PCDHA1: variants seen among roughly 807,000 people sequenced by gnomAD.
PCDHA1 encodes protocadherin alpha 1.
PCDHA1 carries 42 observed loss-of-function variants against 61.3 expected under a neutral mutation model. That is an observed-to-expected ratio of 0.69 (90% confidence interval 0.54 to 0.89). The LOEUF (loss-of-function observed/expected upper bound fraction) is 0.89. PCDHA1 is among the 40% of genes least tolerant of loss of function. The probability of loss-of-function intolerance (pLI) is 0.00; values close to 1 mark genes in which losing one functional copy is unlikely to be tolerated. For synonymous variants in PCDHA1, 610 were observed against 553.8 expected (o/e 1.10, Z -1.43); for missense variants, 1,256 against 1,235.3 (o/e 1.02, Z -0.25).
chr5:140,929,291 A>G (rs782335969), intron 1 of PCDHA1: 19 of 1,596,972 alleles, frequency 1.2e-5, no homozygotes, highest in Non-Finnish European at 1.6e-5. Flanking sequence ...CAGATTCGGA[A>G]TAGGAAAGGG....
At chr5:140,915,710 C>T (rs2077269471) in intron 1 of PCDHA1, among the ~76,000 whole-genome samples, 1 of 151,918 alleles carries the variant, frequency 6.6e-6, no homozygotes, top group South Asian at 2.1e-4. Flanking sequence ...ACTCCTGTGG[C>T]CCCCACTTTG....
intron 1 of PCDHA1, chr5:140,795,263 C>T (rs376518025): frequency 6.2e-7 from 1 of 1,614,174 alleles, no homozygotes; most frequent in Non-Finnish European, 8.5e-7. Context: ...GGGCGGAGCG[C>T]GGAATGTAGC....
Position 140,995,490 on chromosome 5 carries a change from A to C in PCDHA1, c.2542+12927A>C, listed in dbSNP as rs181247682. Among the ~76,000 whole-genome samples the C allele has an allele frequency of 2.7e-3, 416 of 152,304 alleles. 1 individual carries two copies. The highest frequency in any genetic ancestry group is 4.2e-3 in the Non-Finnish European group (283 of 68,028). ...ATTTTTCATTTAATATTTTCAGACT[A>C]AGGTTGACTGTGGGTAACTGAAGCC... is the stretch of plus-strand genomic sequence containing the variant. On this transcript the variant is annotated intron_variant, in intron 3 of 3. Transcript: ENST00000504120.
chr5:140,928,990 C>CT, intron 1 of PCDHA1: 2 of 1,613,884 alleles, frequency 1.2e-6, no homozygotes, highest in African/African-American at 1.3e-5. Context: ...GGGGTGCTTA[C>CT]TTTTCTTCGT....
chr5:140,834,730 T>G, intron 1 of PCDHA1: 2 of 1,614,148 alleles, frequency 1.2e-6, no homozygotes, highest in Non-Finnish European at 1.7e-6. Context: ...CCGCTGCAGG[T>G]TTTCCATGTG....
chr5:140,891,569 CAT>C (rs59481749), intron 1 of PCDHA1, among the ~76,000 whole-genome samples: 3,590 of 152,218 alleles, frequency 0.024, 138 homozygotes, highest in African/African-American at 0.082. Flanking sequence ...TCTAATTAAA[CAT>C]ATTTTAATCT....
At chr5:140,988,963 G>A (rs1273293184) in intron 3 of PCDHA1, 2 of 152,140 alleles carry the variant, frequency 1.3e-5, no homozygotes, top group African/African-American at 4.8e-5. Flanking sequence ...CAAGCCCCAC[G>A]ATGGAGAGAA....
intron 1 of PCDHA1, chr5:140,883,816 G>A (rs1217152310): frequency 1.9e-6 from 3 of 1,612,522 alleles, no homozygotes; most frequent in Non-Finnish European, 2.5e-6. Context: ...AGAGCGGCAA[G>A]GTGTACGCGC....
At chr5:140,811,263 GTT>G (rs1288344710) in intron 1 of PCDHA1, 1 of 152,366 alleles carries the variant, frequency 6.6e-6, no homozygotes, top group Non-Finnish European at 1.5e-5. Context: ...GCAGTGTTTG[GTT>G]TTCTGTGCTT....
intron 1 of PCDHA1, among the ~76,000 whole-genome samples, chr5:140,845,780 T>C (rs1273116464): frequency 6.7e-6 from 1 of 149,642 alleles, no homozygotes; most frequent in Non-Finnish European, 1.5e-5. Context: ...TATAAATTAT[T>C]AATAATAAAC....
intron 1 of PCDHA1, among the ~76,000 whole-genome samples, chr5:140,935,180 T>C (rs781934014): frequency 3.9e-5 from 6 of 152,214 alleles, no homozygotes; most frequent in Non-Finnish European, 7.3e-5. Flanking sequence ...TTATTGCTGC[T>C]GGGTCAGTTG....
chr5:140,967,072 C>A, intron 1 of PCDHA1: 7 of 1,613,106 alleles, frequency 4.3e-6, no homozygotes, highest in Non-Finnish European at 5.9e-6. Context: ...TCTTCGTCAA[C>A]GAGCGCATTG....
chr5:141,010,158 G>A lies in PCDHA1; in HGVS notation c.*221G>A. 6.4e-7 allele frequency: 1 copy of A among 1,570,690 alleles called. No homozygotes were observed. Among genetic ancestry groups the A allele is most frequent in the Non-Finnish European group, 8.6e-7 (1 of 1,156,884 alleles). On this transcript the variant is annotated 3_prime_UTR_variant, in exon 4 of 4. Coordinates refer to ENST00000504120, the MANE Select transcript of PCDHA1 (RefSeq NM_018900.4). Reference sequence around the variant, plus strand: ...TAACTCTTTCTCTCCACTCTGGCTTGTTTTCAGAACCTAAAAAGCAGACCC... The same window carrying A: ...TAACTCTTTCTCTCCACTCTGGCTTATTTTCAGAACCTAAAAAGCAGACCC...
rs1554262827 is a variant in PCDHA1 at position 141,010,253 on chromosome 5, C to A, written c.*316C>A. The A allele has an allele frequency of 3.2e-6, 5 of 1,551,834 alleles. No homozygotes were observed. The highest frequency in any genetic ancestry group is 1.7e-4 in the Middle Eastern group (1 of 5,990). On this transcript the variant is annotated 3_prime_UTR_variant, in exon 4 of 4. Transcript: ENST00000504120. ...CGCCAGTGAGAGGTTGGACTCTCTG[C>A]CCTGTGCTCCGGGGATCCTGTCTTG...
chr5:140,791,116 G>A (rs60443394), intron 1 of PCDHA1, among the ~76,000 whole-genome samples: 8,184 of 152,186 alleles, frequency 0.054, 729 homozygotes, highest in African/African-American at 0.19. Context: ...AGAGACTTGT[G>A]GTCAGTGAAG....
intron 1 of PCDHA1, chr5:140,796,519 G>C: frequency 5.6e-6 from 9 of 1,612,476 alleles, no homozygotes; most frequent in Non-Finnish European, 7.6e-6. Context: ...CAAGGTGTAC[G>C]CGCTGCAGCC....
intron 1 of PCDHA1, chr5:140,876,527 T>C (rs2056400042): frequency 6.2e-6 from 10 of 1,614,112 alleles, no homozygotes; most frequent in Non-Finnish European, 7.6e-6. Context: ...GAAGTAATGG[T>C]TACTTCACTG....
At chr5:140,809,362 G>A in intron 1 of PCDHA1, 1 of 1,614,020 alleles carries the variant, frequency 6.2e-7, no homozygotes, top group Non-Finnish European at 8.5e-7. Context: ...GGTGCTCTGC[G>A]CTGCCCACCG....
intron 1 of PCDHA1, among the ~76,000 whole-genome samples, chr5:140,820,687 A>G (rs1312592028): frequency 6.6e-6 from 1 of 152,116 alleles, no homozygotes; most frequent in African/African-American, 2.4e-5. Context: ...GGTTAATAAA[A>G]TGATATTCTT....
Sources: allele counts gnomAD v4.1 joint callset (sites outside exome capture counted in the v4.1 genomes callset), GRCh38; gene constraint gnomAD v4.1.1; transcripts MANE v1.5; gene names NCBI Gene and HGNC (gene_info 2026-07-23, HGNC 2026-07-21).